PDE1C: variants seen among roughly 807,000 people sequenced by gnomAD.
The protein encoded by PDE1C is phosphodiesterase 1C.
In PDE1C, 62 loss-of-function variants were observed where a neutral mutation model predicts 93.1. The observed-to-expected ratio is 0.67, with a 90% CI of 0.54 to 0.82. The LOEUF (loss-of-function observed/expected upper bound fraction) is 0.82. PDE1C is among the 40% of genes least tolerant of loss of function. The pLI, the probability that PDE1C is intolerant of heterozygous loss-of-function variation, is 0.00. For synonymous variants in PDE1C, 325 were observed against 310.1 expected (o/e 1.05, Z -0.50); for missense variants, 742 against 884.6 (o/e 0.84, Z 2.04).
the PDE1C span, among the ~76,000 whole-genome samples, chr7:31,619,295 A>C: frequency 6.6e-6 from 1 of 152,218 alleles, no homozygotes; most frequent in Non-Finnish European, 1.5e-5. Context: ...ATATGAGAAA[A>C]GAAAGGTCCA....
chr7:32,135,961 T>C (rs1800182320), intron 3 of PDE1C, among the ~76,000 whole-genome samples: 1 of 152,314 alleles, frequency 6.6e-6, no homozygotes, highest in South Asian at 2.1e-4. Flanking sequence ...AAAGACATGA[T>C]AGCATGCAGT....
At chr7:32,308,632 C>T (rs1198380020) in intron 1 of PDE1C, among the ~76,000 whole-genome samples, 1 of 152,260 alleles carries the variant, frequency 6.6e-6, no homozygotes, top group Non-Finnish European at 1.5e-5. Flanking sequence ...GATACCCAGG[C>T]AAACAGGGTC....
At chr7:32,231,307 C>T (rs1807672357) in intron 1 of PDE1C, among the ~76,000 whole-genome samples, 1 of 152,006 alleles carries the variant, frequency 6.6e-6, no homozygotes, top group Admixed American at 6.6e-5. Flanking sequence ...GATAGAATGC[C>T]AACATAAATA....
chr7:31,804,698 C>T (rs1786568716), intron 16 of PDE1C, among the ~76,000 whole-genome samples: 2 of 151,908 alleles, frequency 1.3e-5, no homozygotes, highest in South Asian at 2.1e-4. Context: ...TTCTCTTTGG[C>T]ATATGTGAAT....
chr7:31,885,448 A>G (rs2128887652), intron 2 of PDE1C, among the ~76,000 whole-genome samples: 1 of 152,046 alleles, frequency 6.6e-6, no homozygotes, highest in African/African-American at 2.4e-5. Flanking sequence ...TCTTTTCATG[A>G]CTCTTGCATT....
chr7:32,319,750 A>G (rs1476836316), intron 1 of PDE1C, among the ~76,000 whole-genome samples: 5 of 152,132 alleles, frequency 3.3e-5, no homozygotes, highest in Admixed American at 1.3e-4. Flanking sequence ...CTTCTTCCCA[A>G]CAGCGACCGC....
intron 2 of PDE1C, among the ~76,000 whole-genome samples, chr7:31,991,577 C>T (rs907445523): frequency 5.3e-5 from 8 of 152,196 alleles, no homozygotes; most frequent in Non-Finnish European, 1.0e-4. Flanking sequence ...AATGCACCTC[C>T]GTAAAGCCTG....
chr7:32,335,678 C>T (rs1004047137), intron 1 of PDE1C, among the ~76,000 whole-genome samples: 1 of 151,852 alleles, frequency 6.6e-6, no homozygotes, highest in Non-Finnish European at 1.5e-5. Flanking sequence ...ACCCTAGTGA[C>T]CTTGCTTTAC....
chr7:32,238,293 T>A lies in PDE1C; in HGVS notation c.86-28754A>T, dbSNP rs117537409. ...AGTGCCAAGGAATAAATCTAGCTAA[T>A]GCATCAAAACCATTATGAAGAAACT... is the stretch of plus-strand genomic sequence containing the variant. On this transcript the variant is annotated intron_variant, in intron 1 of 18. Coordinates refer to the PDE1C transcript ENST00000396193. 9.0e-3 allele frequency among the ~76,000 whole-genome samples: 1,372 copies of A among 152,312 alleles called. 7 individuals are homozygous for A. The highest frequency in any genetic ancestry group is 0.033 in the South Asian group (161 of 4,828).
intron 3 of PDE1C, among the ~76,000 whole-genome samples, chr7:32,121,951 T>C (rs774670626): frequency 6.6e-6 from 1 of 152,172 alleles, no homozygotes; most frequent in African/African-American, 2.4e-5. Flanking sequence ...TCAAGACCCA[T>C]TGGTGTGCTA....
At chr7:32,114,114 A>T (rs1427255895) in intron 3 of PDE1C, among the ~76,000 whole-genome samples, 1 of 152,206 alleles carries the variant, frequency 6.6e-6, no homozygotes, top group Non-Finnish European at 1.5e-5. Flanking sequence ...TTCTTCACAG[A>T]ATTAGATAAA....
chr7:32,189,308 C>T (rs186925535), intron 2 of PDE1C, among the ~76,000 whole-genome samples: 19 of 152,304 alleles, frequency 1.2e-4, no homozygotes, highest in Admixed American at 1.2e-3. Flanking sequence ...GTGAAATACA[C>T]TTGACAAACA....
chr7:32,136,350 A>T lies in PDE1C; in HGVS notation c.308+33435T>A, dbSNP rs181200234. Among the ~76,000 whole-genome samples, 958 of 148,348 alleles carry T rather than the reference A, an allele frequency of 6.5e-3. 9 individuals are homozygous for T. The highest frequency in any genetic ancestry group is 8.5e-3 in the South Asian group (40 of 4,722). On this transcript the variant is annotated intron_variant, in intron 3 of 18. Transcript: ENST00000396193. ...TTAATGCATTTTTATTTATTTATTT[A>T]TTTATTTTTGAGACGGAGTCTCACT...
At chr7:32,115,152 T>C (rs993360824) in intron 3 of PDE1C, among the ~76,000 whole-genome samples, 6 of 152,016 alleles carry the variant, frequency 3.9e-5, no homozygotes, top group Non-Finnish European at 5.9e-5. Context: ...CTATTATAAA[T>C]AAACACGCCC....
At chr7:31,904,207 G>A (rs951197784) in intron 2 of PDE1C, among the ~76,000 whole-genome samples, 78 of 152,216 alleles carry the variant, frequency 5.1e-4, no homozygotes, top group African/African-American at 1.8e-3. Context: ...CATTAGGACA[G>A]AAGCTGGAAT....
intron 2 of PDE1C, among the ~76,000 whole-genome samples, chr7:32,035,452 T>C (rs1388567477): frequency 1.3e-5 from 2 of 152,188 alleles, no homozygotes; most frequent in Non-Finnish European, 2.9e-5. Context: ...TGAGCTGCTT[T>C]TCACGTTTCT....
chr7:31,879,519 A>G (rs954758890), intron 3 of PDE1C, among the ~76,000 whole-genome samples: 1 of 152,212 alleles, frequency 6.6e-6, no homozygotes, highest in African/African-American at 2.4e-5. Context: ...ATTATTTCAT[A>G]GATGGACCAT....
chr7:32,427,401 C>T (rs1270308888), intron 1 of PDE1C, among the ~76,000 whole-genome samples: 2 of 152,186 alleles, frequency 1.3e-5, no homozygotes, highest in Non-Finnish European at 2.9e-5. Flanking sequence ...AAAGGCAAGT[C>T]TTCCCCCAAC....
intron 2 of PDE1C, among the ~76,000 whole-genome samples, chr7:32,025,386 G>C (rs546791566): frequency 6.6e-6 from 1 of 152,072 alleles, no homozygotes; most frequent in African/African-American, 2.4e-5. Context: ...TGAGGGTAGG[G>C]GGATTAGCAG....
Sources: allele counts gnomAD v4.1 joint callset (sites outside exome capture counted in the v4.1 genomes callset), GRCh38; gene constraint gnomAD v4.1.1; transcripts MANE v1.5; gene names NCBI Gene and HGNC (gene_info 2026-07-23, HGNC 2026-07-21).